The following SLC5A3 variants were observed in gnomAD, a reference collection of about 807,000 sequenced individuals.
SLC5A3 encodes solute carrier family 5 member 3.
A neutral mutation model predicts 43.2 loss-of-function variants in SLC5A3; 10 were observed. The observed-to-expected ratio is 0.23, with a 90% CI of 0.14 to 0.39. SLC5A3 has a LOEUF of 0.39. Ranked by LOEUF, SLC5A3 falls within the 10% of genes least tolerant of loss-of-function variation. The probability of loss-of-function intolerance (pLI) is 1.00; values close to 1 mark genes in which losing one functional copy is unlikely to be tolerated. For missense variants in SLC5A3, 608 were observed against 893.4 expected, an observed-to-expected ratio of 0.68 and a Z score of 4.07; for synonymous variants, 349 against 322.0, an observed-to-expected ratio of 1.08 and a Z score of -0.90.
intron 1 of SLC5A3, among the ~76,000 whole-genome samples, chr21:34,090,307 T>C (rs185020992): frequency 6.6e-6 from 1 of 152,344 alleles, no homozygotes; most frequent in African/African-American, 2.4e-5. Context: ...TGAGTACACA[T>C]ACACTCTGCA....
chr21:34,073,810 T>G, intron 1 of SLC5A3, 65 bp downstream of exon 1: 22 of 1,238,450 alleles, frequency 1.8e-5, no homozygotes, highest in Admixed American at 3.0e-5. Flanking sequence ...TAGGCCGCCG[T>G]CCCCCGCGCG....
At chr21:34,092,740 C>G (rs1783301) in intron 1 of SLC5A3, among the ~76,000 whole-genome samples, 1 of 152,210 alleles carries the variant, frequency 6.6e-6, no homozygotes, top group Admixed American at 6.5e-5. Flanking sequence ...GCAGCAGCTA[C>G]TATGACACAT....
rs111299643 is a variant in SLC5A3 at position 34,096,666 on chromosome 21, G to A, written c.1468G>A (p.Ala490Thr). ...AGCAGTCCGTTTGATACTGGCCTTT[G>A]CCTACCGTGCCCCAGAATGTGACCA... is the stretch of plus-strand genomic sequence containing the variant. ...LGAVRLILAF[A>T]YRAPECDQPD... The change falls in exon 2 of 2, where the codon GCC (alanine) becomes ACC (threonine). Residue 490 changes from alanine to threonine, a missense_variant. Coordinates refer to ENST00000381151, the MANE Select transcript of SLC5A3 (RefSeq NM_006933.7). The surrounding 1 kb of genome is among the most constrained non-coding windows in gnomAD (Gnocchi z 5.9). The A allele has an allele frequency of 2.3e-4, 379 of 1,614,132 alleles. 1 individual carries two copies. In the African/African-American group the frequency reaches 3.6e-3, roughly 15 times the overall value.
chr21:34,091,700 A>G (rs562573287), intron 1 of SLC5A3, among the ~76,000 whole-genome samples: 5 of 152,326 alleles, frequency 3.3e-5, no homozygotes, highest in African/African-American at 1.2e-4. Flanking sequence ...AAACAATAAA[A>G]TACTACTTTC....
rs1020312997 is a variant in SLC5A3 at position 34,104,756 on chromosome 21, G to A, written c.*7401G>A. Reference sequence around the variant, plus strand: ...AAAGAGAAGTTTGAGGAACACCCTTGGCTTAGCAACATGTGATAATGCAAA... The same window carrying A: ...AAAGAGAAGTTTGAGGAACACCCTTAGCTTAGCAACATGTGATAATGCAAA... On this transcript the variant is annotated 3_prime_UTR_variant, in exon 2 of 2. Coordinates refer to ENST00000381151, the MANE Select transcript of SLC5A3 (RefSeq NM_006933.7). 4 of 1,000,102 alleles carry A rather than the reference G, an allele frequency of 4.0e-6. No individual in the cohort carries two copies. In the Admixed American group the frequency reaches 2.5e-4, roughly 62 times the overall value. The allele number at this position is 1,000,102 out of a possible 1,614,324, so 62.0% of individuals were successfully genotyped here.
intron 1 of SLC5A3, among the ~76,000 whole-genome samples, chr21:34,076,446 T>A (rs1420253002): frequency 6.6e-6 from 1 of 152,230 alleles, no homozygotes; most frequent in Non-Finnish European, 1.5e-5. Flanking sequence ...TCAGTCATAT[T>A]GAACTATACA....
intron 1 of SLC5A3, among the ~76,000 whole-genome samples, chr21:34,082,088 ATACTTAGG>A: frequency 6.6e-6 from 1 of 151,582 alleles, no homozygotes; most frequent in Non-Finnish European, 1.5e-5. Flanking sequence ...AACTAATTGA[ATACTTAGG>A]TACCATGGAT....
rs752605568 is a variant in SLC5A3 at position 34,097,123 on chromosome 21, AAGAGAG to A, written c.1927_1932del (p.Glu643_Arg644del). The A allele has an allele frequency of 4.3e-6, 7 of 1,614,034 alleles. No homozygotes were observed. Among genetic ancestry groups the A allele is most frequent in the Non-Finnish European group, 5.9e-6 (7 of 1,179,958 alleles). ...GGGCAAGCAGCTCTCATGGGTGAGAAAGAGAGAAAGAAAGAAACGGATGATGGAGGT... is the reference window on the plus strand; with the variant it reads ...GGGCAAGCAGCTCTCATGGGTGAGAAAAAGAAAGAAACGGATGATGGAGGT... On this transcript the variant is annotated inframe_deletion, in exon 2 of 2. Transcript: ENST00000381151.
rs1203642495 is a variant in SLC5A3 at position 34,100,568 on chromosome 21, GC to G, written c.*3215del. The G allele has an allele frequency of 2.0e-6, 2 of 1,000,112 alleles. No individual in the cohort carries two copies. The highest frequency in any genetic ancestry group is 3.5e-5 in the African/African-American group (2 of 57,226). 62.0% of individuals were successfully genotyped at this position (1,000,112 alleles called of 1,614,324 possible). On this transcript the variant is annotated 3_prime_UTR_variant, in exon 2 of 2. Coordinates refer to ENST00000381151, the MANE Select transcript of SLC5A3 (RefSeq NM_006933.7). ...GATCCATTGTATTTTGGCACAAAGA[GC>G]CTGGCCAGGGTCATGTAGCCATAGC...
chr21:34,074,282 G>GT (rs1490444918), intron 1 of SLC5A3, among the ~76,000 whole-genome samples: 3 of 152,116 alleles, frequency 2.0e-5, no homozygotes, highest in Admixed American at 2.0e-4. Context: ...TCCAAAGCTT[G>GT]TTTGTGCCGT....
At chr21:34,076,720 A>G (rs1040879680) in intron 1 of SLC5A3, among the ~76,000 whole-genome samples, 3 of 152,240 alleles carry the variant, frequency 2.0e-5, no homozygotes, top group Admixed American at 1.3e-4. Context: ...ATATGACGGT[A>G]AAGTAATGGA....
intron 1 of SLC5A3, among the ~76,000 whole-genome samples, chr21:34,076,789 C>T (rs1304318602): frequency 6.6e-6 from 1 of 152,104 alleles, no homozygotes. Flanking sequence ...TTGTTTAGAC[C>T]AGTCTTAGTT....
At position 34,092,073 on chromosome 21, in the gene SLC5A3, T is replaced by C. The variant is rs539430015; in HGVS notation, c.-336-2790T>C. Among the ~76,000 whole-genome samples the C allele has an allele frequency of 6.6e-5, 10 of 152,172 alleles. No homozygotes were observed. In the East Asian group the frequency reaches 1.5e-3, roughly 24 times the overall value. On this transcript the variant is annotated intron_variant, in intron 1 of 1. Coordinates refer to ENST00000381151, the MANE Select transcript of SLC5A3 (RefSeq NM_006933.7). ...ATAAAAATAAGGGAACCCTGGACAG[T>C]GCTCATTGTATTTTGTTGAAGAAAT... is the stretch of plus-strand genomic sequence containing the variant.
At position 34,100,450 on chromosome 21, in the gene SLC5A3, G is replaced by A. The variant is rs1979183281; in HGVS notation, c.*3095G>A. ...GTAATTATGCTTTGTCTTTAGATTAGAGAAGCATCAAGCAATAGCAATGGT... is the reference window on the plus strand; with the variant it reads ...GTAATTATGCTTTGTCTTTAGATTAAAGAAGCATCAAGCAATAGCAATGGT... On this transcript the variant is annotated 3_prime_UTR_variant, in exon 2 of 2. Transcript: ENST00000381151. 1.0e-6 allele frequency: 1 copy of A among 1,000,088 alleles called. No homozygotes were observed. The highest frequency in any genetic ancestry group is 1.7e-5 in the African/African-American group (1 of 57,230). 62.0% of individuals were successfully genotyped at this position (1,000,088 alleles called of 1,614,324 possible).
intron 1 of SLC5A3, among the ~76,000 whole-genome samples, chr21:34,088,042 T>TC (rs1270116405): frequency 1.3e-5 from 2 of 152,162 alleles, no homozygotes; most frequent in Non-Finnish European, 2.9e-5. Context: ...AGCAAATTAT[T>TC]CATACCCCGG....
chr21:34,103,279 A>G lies in SLC5A3; in HGVS notation c.*5924A>G, dbSNP rs1979326985. ...TCTTAACAGAAAATTTGTATTTGTT[A>G]TTCCTCTTAAATTTTGTCGTAACTA... On this transcript the variant is annotated 3_prime_UTR_variant, in exon 2 of 2. Transcript: ENST00000381151. The G allele has an allele frequency of 2.0e-6, 2 of 991,976 alleles. No homozygotes were observed. The highest frequency in any genetic ancestry group is 3.6e-5 in the African/African-American group (2 of 56,056). 61.4% of individuals were successfully genotyped at this position (991,976 alleles called of 1,614,324 possible).
intron 1 of SLC5A3, among the ~76,000 whole-genome samples, chr21:34,086,684 C>T (rs1978401778): frequency 6.6e-6 from 1 of 152,102 alleles, no homozygotes; most frequent in Admixed American, 6.6e-5. Flanking sequence ...ATCATGTCTG[C>T]CTCTTGGGGT....
Position 34,102,143 on chromosome 21 carries a change from AGACTGTCCTTTGTTG to A in SLC5A3, c.*4791_*4805del, listed in dbSNP as rs1211345557. 3 of 1,000,088 alleles carry A rather than the reference AGACTGTCCTTTGTTG, an allele frequency of 3.0e-6. No homozygotes were observed. The highest frequency in any genetic ancestry group is 6.2e-5 in the Admixed American group (1 of 16,258). The allele number at this position is 1,000,088 out of a possible 1,614,324, so 62.0% of individuals were successfully genotyped here. On this transcript the variant is annotated 3_prime_UTR_variant, in exon 2 of 2. Coordinates refer to ENST00000381151, the MANE Select transcript of SLC5A3 (RefSeq NM_006933.7). Reference sequence around the variant, plus strand: ...TCACTTAATATGGAATGTTTTTGTCAGACTGTCCTTTGTTGGAATACTTTAGCTGTTCAGCTACTT... The same window carrying A: ...TCACTTAATATGGAATGTTTTTGTCAGAATACTTTAGCTGTTCAGCTACTT...
At chr21:34,075,016 C>T (rs866438111) in intron 1 of SLC5A3, among the ~76,000 whole-genome samples, 1 of 152,228 alleles carries the variant, frequency 6.6e-6, no homozygotes, top group Non-Finnish European at 1.5e-5. Flanking sequence ...AAGATAGTAT[C>T]TGTTCAGCCT....
Sources: allele counts gnomAD v4.1 joint callset (sites outside exome capture counted in the v4.1 genomes callset), GRCh38; gene constraint gnomAD v4.1.1; non-coding constraint Gnocchi (gnomAD v3.1); transcripts MANE v1.5; gene names NCBI Gene and HGNC (gene_info 2026-07-23, HGNC 2026-07-21).